The following SND1 variants were observed in gnomAD, a reference collection of about 807,000 sequenced individuals.
SND1 encodes the protein staphylococcal nuclease and tudor domain containing 1.
A neutral mutation model predicts 121.7 loss-of-function variants in SND1; 38 were observed. That is an observed-to-expected ratio of 0.31 (90% CI 0.24 to 0.41). SND1 has a LOEUF of 0.41. Among genes scored for constraint, SND1 ranks in the 10% least tolerant of loss-of-function variants. SND1 has a pLI of 1.00. For synonymous variants in SND1, 401 were observed against 447.4 expected, an observed-to-expected ratio of 0.90 and a Z score of 1.31; for missense variants, 868 against 1,184.6, an observed-to-expected ratio of 0.73 and a Z score of 3.92.
chr7:127,947,408 A>C (rs1489150640), intron 15 of SND1, among the ~76,000 whole-genome samples: 1 of 152,234 alleles, frequency 6.6e-6, no homozygotes, highest in Non-Finnish European at 1.5e-5. Flanking sequence ...AATGAGTCAG[A>C]AGTATGGCAA....
intron 1 of SND1, among the ~76,000 whole-genome samples, chr7:127,676,390 T>C (rs1795616563): frequency 6.6e-6 from 1 of 152,156 alleles, no homozygotes; most frequent in African/African-American, 2.4e-5. Context: ...AGTGGTATTA[T>C]CTTTACTTAT....
intron 1 of SND1, among the ~76,000 whole-genome samples, chr7:127,685,278 A>C (rs1365676175): frequency 2.0e-5 from 3 of 152,214 alleles, no homozygotes; most frequent in Non-Finnish European, 4.4e-5. Flanking sequence ...GCTTCCTTTC[A>C]TTCTCCTTTT....
At chr7:127,837,258 G>A (rs1798883939) in intron 11 of SND1, among the ~76,000 whole-genome samples, 1 of 152,168 alleles carries the variant, frequency 6.6e-6, no homozygotes, top group African/African-American at 2.4e-5. Context: ...TTTAAGCATT[G>A]CAGTGTGGCT....
At position 127,704,910 on chromosome 7, in the gene SND1, C is replaced by T. The variant is rs1196669756; in HGVS notation, c.912C>T (p.Tyr304=). Residue 304 remains tyrosine, a synonymous_variant, in exon 8 of 24, where the codon TAC becomes TAT. Coordinates refer to ENST00000354725, the MANE Select transcript of SND1 (RefSeq NM_014390.4). ...ARCVDWSIAV[Y]TRGAEKLRAA... ...GTGTGGACTGGTCGATTGCAGTTTACACCCGGGGCGCAGAAAAGCTGAGGG... is the reference window on the plus strand; with the variant it reads ...GTGTGGACTGGTCGATTGCAGTTTATACCCGGGGCGCAGAAAAGCTGAGGG... 2.5e-6 allele frequency: 4 copies of T among 1,614,076 alleles called. No individual in the cohort carries two copies. The Admixed American group carries it at 6.7e-5, about 27-fold the overall frequency.
intron 10 of SND1, among the ~76,000 whole-genome samples, chr7:127,744,011 G>A (rs986951902): frequency 6.6e-6 from 1 of 152,130 alleles, no homozygotes; most frequent in East Asian, 1.9e-4. Flanking sequence ...AGAACCTAGA[G>A]TTGCTGTAAA....
intron 2 of SND1, among the ~76,000 whole-genome samples, chr7:127,693,518 C>G (rs1208524775): frequency 6.6e-6 from 1 of 152,126 alleles, no homozygotes; most frequent in Admixed American, 6.5e-5. Flanking sequence ...TGATTGGTTT[C>G]TGGTTTCTTA....
At chr7:127,977,132 C>T (rs1028977991) in intron 15 of SND1, among the ~76,000 whole-genome samples, 1 of 152,200 alleles carries the variant, frequency 6.6e-6, no homozygotes, top group Admixed American at 6.5e-5. Context: ...AGTCGGCTCT[C>T]AACAGTGCAG....
At chr7:127,727,299 C>T (rs546263003) in intron 10 of SND1, among the ~76,000 whole-genome samples, 1 of 152,260 alleles carries the variant, frequency 6.6e-6, no homozygotes, top group Non-Finnish European at 1.5e-5. Context: ...TTAGTGATGC[C>T]TTGGGATTCT....
intron 1 of SND1, among the ~76,000 whole-genome samples, chr7:127,671,809 A>G (rs2582717): frequency 0.78 from 118,234 of 152,174 alleles, 47,224 homozygotes; most frequent in African/African-American, 0.95. Flanking sequence ...TTCTCTGTAA[A>G]GTACATCATA....
chr7:127,899,228 A>T (rs1344823155), intron 13 of SND1, among the ~76,000 whole-genome samples: 2 of 152,102 alleles, frequency 1.3e-5, no homozygotes, highest in African/African-American at 4.8e-5. Flanking sequence ...TTTGAAAGTC[A>T]TATGTTGCAG....
chr7:127,659,141 C>T (rs965438749), intron 1 of SND1, among the ~76,000 whole-genome samples: 1 of 152,248 alleles, frequency 6.6e-6, no homozygotes, highest in Non-Finnish European at 1.5e-5. Flanking sequence ...GAGATGAATA[C>T]ACAACCCGGT....
At position 128,001,838 on chromosome 7, in the gene SND1, G is replaced by A. The variant is rs541455435; in HGVS notation, c.1779+10782G>A. ...CCCAACTATTTGGGAGGCTGAGGCA[G>A]GAGAATCACTTGAACCCAGGAGGCG... On this transcript the variant is annotated intron_variant, in intron 16 of 23. Coordinates refer to ENST00000354725, the MANE Select transcript of SND1 (RefSeq NM_014390.4). Among the ~76,000 whole-genome samples, 191 of 152,316 alleles carry A rather than the reference G, an allele frequency of 1.3e-3. 5 individuals are homozygous for A. In the South Asian group the frequency reaches 0.038, roughly 30 times the overall value.
intron 2 of SND1, among the ~76,000 whole-genome samples, chr7:127,693,700 G>A (rs1795961007): frequency 6.6e-6 from 1 of 152,178 alleles, no homozygotes; most frequent in Non-Finnish European, 1.5e-5. Context: ...AATAGACAAT[G>A]TATGCATATT....
chr7:127,972,551 C>T (rs1177169545), intron 15 of SND1, among the ~76,000 whole-genome samples: 2 of 152,152 alleles, frequency 1.3e-5, no homozygotes, highest in African/African-American at 4.8e-5. Flanking sequence ...GCCACAGCAC[C>T]TGGCCCTATC....
At chr7:127,915,587 A>G (rs1371693429) in intron 14 of SND1, among the ~76,000 whole-genome samples, 1 of 152,236 alleles carries the variant, frequency 6.6e-6, no homozygotes, top group Non-Finnish European at 1.5e-5. Flanking sequence ...TGTTGAGAAT[A>G]TATTAAACAA....
At chr7:127,950,873 A>G (rs1801445965) in intron 15 of SND1, among the ~76,000 whole-genome samples, 1 of 152,212 alleles carries the variant, frequency 6.6e-6, no homozygotes, top group African/African-American at 2.4e-5. Context: ...GCAAGAACCA[A>G]TTTATTATTT....
chr7:127,711,944 A>ATT (rs879398554), intron 9 of SND1, among the ~76,000 whole-genome samples: 3 of 142,952 alleles, frequency 2.1e-5, no homozygotes, highest in African/African-American at 7.7e-5. Context: ...TGCGAAATTG[A>ATT]TTTTTTTTTT....
intron 1 of SND1, among the ~76,000 whole-genome samples, chr7:127,656,743 A>G (rs987190302): frequency 2.6e-5 from 4 of 152,208 alleles, no homozygotes; most frequent in Non-Finnish European, 4.4e-5. Flanking sequence ...GGGACTGGCT[A>G]TGTTGAAGTA....
At chr7:127,792,941 C>T (rs993279529) in intron 10 of SND1, among the ~76,000 whole-genome samples, 1 of 152,230 alleles carries the variant, frequency 6.6e-6, no homozygotes, top group African/African-American at 2.4e-5. Flanking sequence ...CCCCTATTGG[C>T]AGAGCCTAAG....
Sources: gnomAD v4.1 joint callset for allele counts (sites outside exome capture counted in the v4.1 genomes callset) on GRCh38, gnomAD v4.1.1 for gene constraint, MANE v1.5 for transcripts, NCBI Gene and HGNC (gene_info 2026-07-23, HGNC 2026-07-21) for gene names.